EXT1: variants seen among roughly 807,000 people sequenced by gnomAD.
EXT1 encodes the protein exostosin-1.
A neutral mutation model predicts 82.5 loss-of-function variants in EXT1; 20 were observed. The observed-to-expected ratio is 0.24, with a 90% CI of 0.17 to 0.35. EXT1 has a LOEUF of 0.35. Ranked by LOEUF, EXT1 falls within the 10% of genes least tolerant of loss-of-function variation. EXT1 has a pLI of 1.00. For missense variants in EXT1, 757 were observed against 936.5 expected (o/e 0.81, Z 2.50); for synonymous variants, 348 against 350.8 (o/e 0.99, Z 0.09).
chr8:117,851,616 G>GGGACACAC (rs140688232), intron 1 of EXT1, among the ~76,000 whole-genome samples: 1 of 147,908 alleles, frequency 6.8e-6, no homozygotes, highest in Admixed American at 6.7e-5. Flanking sequence ...AATTTAGCTG[G>GGGACACAC]ACACACACAC....
intron 1 of EXT1, among the ~76,000 whole-genome samples, chr8:118,043,975 G>C (rs1032513610): frequency 6.6e-6 from 1 of 152,174 alleles, no homozygotes; most frequent in East Asian, 1.9e-4. Context: ...TCTATTAAAA[G>C]TCAATATATA....
intron 1 of EXT1, among the ~76,000 whole-genome samples, chr8:117,925,483 T>G (rs1813935406): frequency 6.6e-6 from 1 of 151,960 alleles, no homozygotes; most frequent in Non-Finnish European, 1.5e-5. Context: ...GAAAGAGTGC[T>G]ATCACCTCAC....
At chr8:117,894,759 T>G (rs1813306693) in intron 1 of EXT1, among the ~76,000 whole-genome samples, 1 of 152,134 alleles carries the variant, frequency 6.6e-6, no homozygotes, top group South Asian at 2.1e-4. Context: ...CACTTGTAGT[T>G]AGAGAGGCTG....
At chr8:118,031,665 T>C (rs1245561352) in intron 1 of EXT1, among the ~76,000 whole-genome samples, 4 of 152,110 alleles carry the variant, frequency 2.6e-5, no homozygotes, top group African/African-American at 9.7e-5. Flanking sequence ...TAGTGTCTCC[T>C]TCCCCTTGAA....
At chr8:118,077,461 T>C (rs1817232422) in intron 1 of EXT1, among the ~76,000 whole-genome samples, 1 of 152,200 alleles carries the variant, frequency 6.6e-6, no homozygotes, top group Non-Finnish European at 1.5e-5. Flanking sequence ...AAGTCCTTAC[T>C]GCTACAAGAG....
intron 1 of EXT1, among the ~76,000 whole-genome samples, chr8:117,954,736 G>A (rs2129702897): frequency 6.6e-6 from 1 of 152,276 alleles, no homozygotes; most frequent in East Asian, 1.9e-4. Flanking sequence ...CAACTCATAT[G>A]TGGGGGGGAC....
chr8:118,018,927 C>T (rs549665409), intron 1 of EXT1, among the ~76,000 whole-genome samples: 1 of 152,140 alleles, frequency 6.6e-6, no homozygotes, highest in Admixed American at 6.5e-5. Context: ...TAGTACCCTG[C>T]TTCCCAAATG....
chr8:117,965,989 CAT>C (rs973888074), intron 1 of EXT1, among the ~76,000 whole-genome samples: 25 of 127,070 alleles, frequency 2.0e-4, no homozygotes, highest in Non-Finnish European at 3.1e-4. Flanking sequence ...CACATACATG[CAT>C]ATACACACAC....
At chr8:117,837,296 A>G (rs1402596829) in intron 1 of EXT1, 95 bp from the exon 2 acceptor site, 1 of 1,026,924 alleles carries the variant, frequency 9.7e-7, no homozygotes, top group Non-Finnish European at 1.5e-6. Flanking sequence ...GAATTTACGC[A>G]AAGCAACTCG....
intron 1 of EXT1, among the ~76,000 whole-genome samples, chr8:118,081,514 T>C (rs1333259616): frequency 6.6e-6 from 1 of 152,182 alleles, no homozygotes. Context: ...AGAACAGGTA[T>C]TTGGGGGTCT....
At chr8:117,813,098 G>T in intron 7 of EXT1, 137 bp from the exon 8 acceptor site, 1 of 724,122 alleles carries the variant, frequency 1.4e-6, no homozygotes. Flanking sequence ...CAACACCGAA[G>T]GAATCTCATT....
intron 1 of EXT1, among the ~76,000 whole-genome samples, chr8:117,864,286 T>C (rs1485801447): frequency 6.6e-6 from 1 of 152,220 alleles, no homozygotes; most frequent in Non-Finnish European, 1.5e-5. Context: ...TCCTTGACCT[T>C]ATCCAGTGAT....
chr8:118,027,494 T>C (rs980871944), intron 1 of EXT1, among the ~76,000 whole-genome samples: 2 of 152,226 alleles, frequency 1.3e-5, no homozygotes, highest in Non-Finnish European at 2.9e-5. Context: ...AGCTCAAGTC[T>C]TTGGACTATC....
chr8:117,900,269 C>T (rs894199054), intron 1 of EXT1, among the ~76,000 whole-genome samples: 5 of 152,196 alleles, frequency 3.3e-5, no homozygotes. Flanking sequence ...GCTAAGGCAA[C>T]GTCGGTACTG....
chr8:117,978,602 T>C (rs1186446979), intron 1 of EXT1, among the ~76,000 whole-genome samples: 1 of 152,220 alleles, frequency 6.6e-6, no homozygotes, highest in Admixed American at 6.5e-5. Context: ...GGATGACCTA[T>C]ATAGGAATAA....
chr8:118,062,225 C>G (rs1472078165), intron 1 of EXT1, among the ~76,000 whole-genome samples: 1 of 152,184 alleles, frequency 6.6e-6, no homozygotes, highest in African/African-American at 2.4e-5. Flanking sequence ...ATCATCGGAA[C>G]GTCTGCTAAA....
At chr8:117,886,829 GC>G (rs1291440116) in intron 1 of EXT1, among the ~76,000 whole-genome samples, 11 of 152,090 alleles carry the variant, frequency 7.2e-5, no homozygotes, top group Non-Finnish European at 1.0e-4. Context: ...TTATTCAAGG[GC>G]TTCAATCTTC....
chr8:117,905,299 G>A (rs953106271), intron 1 of EXT1, among the ~76,000 whole-genome samples: 1 of 152,254 alleles, frequency 6.6e-6, no homozygotes, highest in Admixed American at 6.5e-5. Flanking sequence ...CCTTCAAGAG[G>A]CACGTAGGTA....
At chr8:117,810,929 T>A (rs1823308448) in intron 8 of EXT1, among the ~76,000 whole-genome samples, 1 of 152,186 alleles carries the variant, frequency 6.6e-6, no homozygotes, top group South Asian at 2.1e-4. Flanking sequence ...AGTAGCCACG[T>A]CCTTCCATGA....
Sources: gnomAD v4.1 joint callset for allele counts (sites outside exome capture counted in the v4.1 genomes callset) on GRCh38, gnomAD v4.1.1 for gene constraint, MANE v1.5 for transcripts, NCBI Gene and HGNC (gene_info 2026-07-23, HGNC 2026-07-21) for gene names.